PTPN2: variants seen among roughly 807,000 people sequenced by gnomAD.
The protein encoded by PTPN2 is tyrosine-protein phosphatase non-receptor type 2.
PTPN2 carries 19 observed loss-of-function variants against 57.3 expected under a neutral mutation model. The ratio of observed to expected loss-of-function variants is 0.33; its 90% CI spans 0.23 to 0.49. The LOEUF (loss-of-function observed/expected upper bound fraction) is 0.49, where lower values mean the gene tolerates loss of function less well. Ranked by LOEUF, PTPN2 falls within the 20% of genes least tolerant of loss-of-function variation. PTPN2 has a pLI of 0.99. For synonymous variants in PTPN2, 153 were observed against 164.9 expected, an observed-to-expected ratio of 0.93 and a Z score of 0.55; for missense variants, 358 against 501.1, an observed-to-expected ratio of 0.71 and a Z score of 2.73.
chr18:12,832,930 A>G (rs1318132334), intron 3 of PTPN2, among the ~76,000 whole-genome samples: 1 of 152,198 alleles, frequency 6.6e-6, no homozygotes, highest in Non-Finnish European at 1.5e-5. Flanking sequence ...TTGGGATTAC[A>G]GGCGTGCACC....
intron 8 of PTPN2, among the ~76,000 whole-genome samples, chr18:12,795,293 G>A (rs976523853): frequency 6.6e-6 from 1 of 152,026 alleles, no homozygotes; most frequent in South Asian, 2.1e-4. Flanking sequence ...ATTTTTTTGG[G>A]GTGGTGGGGG....
intron 1 of PTPN2, among the ~76,000 whole-genome samples, chr18:12,876,328 G>A (rs181628124): frequency 3.9e-3 from 222 of 57,560 alleles, no homozygotes; most frequent in African/African-American, 0.015. Context: ...TTTGTCAGGC[G>A]TGGTGGTGTG....
intron 5 of PTPN2, among the ~76,000 whole-genome samples, chr18:12,818,724 C>T (rs2042165165): frequency 6.6e-6 from 1 of 151,408 alleles, no homozygotes; most frequent in South Asian, 2.1e-4. Flanking sequence ...AATGGTTTAA[C>T]AACTAAAGAT....
Position 12,807,586 on chromosome 18 carries a change from A to AAATATATAT in PTPN2, c.859-5436_859-5435insATATATATT. Among the ~76,000 whole-genome samples the AAATATATAT allele has an allele frequency of 8.5e-4, 30 of 35,200 alleles. 2 individuals are homozygous for AAATATATAT. Among genetic ancestry groups the AAATATATAT allele is most frequent in the East Asian group, 2.8e-3 (2 of 722 alleles). The allele number at this position is 35,200 out of a possible 152,430, so 23.1% of individuals were successfully genotyped here. On this transcript the variant is annotated intron_variant, in intron 7 of 8. Coordinates refer to ENST00000309660, the MANE Select transcript of PTPN2 (RefSeq NM_002828.4). Reference sequence around the variant, plus strand: ...AAATGTGGAAAAAAAAAAAAAAAAAAATATATATATATATATATAATATAA... The same window carrying AAATATATAT: ...AAATGTGGAAAAAAAAAAAAAAAAAAAATATATATATATATATATATATATATAATATAA...
intron 1 of PTPN2, among the ~76,000 whole-genome samples, chr18:12,867,196 G>A (rs939229253): frequency 5.3e-5 from 8 of 152,068 alleles, no homozygotes; most frequent in Non-Finnish European, 1.0e-4. Context: ...ATGCGTGCCT[G>A]CAGTCCCAGC....
intron 5 of PTPN2, among the ~76,000 whole-genome samples, chr18:12,824,369 T>C (rs971776711): frequency 6.6e-6 from 1 of 152,054 alleles, no homozygotes; most frequent in African/African-American, 2.4e-5. Flanking sequence ...GCTTACTCAA[T>C]GCAGCAAAAA....
At chr18:12,822,625 T>C (rs886674086) in intron 5 of PTPN2, among the ~76,000 whole-genome samples, 3 of 152,194 alleles carry the variant, frequency 2.0e-5, no homozygotes, top group African/African-American at 4.8e-5. Context: ...GACTTGTTAA[T>C]AGATACGTGT....
At chr18:12,814,096 T>C (rs1056785658) in intron 7 of PTPN2, 107 bp downstream of exon 7, 16 of 940,804 alleles carry the variant, frequency 1.7e-5, no homozygotes, top group Non-Finnish European at 1.9e-5. Flanking sequence ...CCACAAAAAT[T>C]CAAATACACT....
chr18:12,817,174 T>C lies in PTPN2; in HGVS notation c.687A>G (p.Val229=), dbSNP rs2042107206. The C allele has an allele frequency of 1.9e-6, 3 of 1,613,948 alleles. No homozygotes were observed. The highest frequency in any genetic ancestry group is 2.5e-6 in the Non-Finnish European group (3 of 1,179,984). The change falls in exon 6 of 9, where the codon GTA becomes GTG. Residue 229 remains valine (V), a synonymous_variant. Coordinates refer to ENST00000309660, the MANE Select transcript of PTPN2 (RefSeq NM_002828.4). ...CACTTACCAAAACAAGACAAGTGTCTACCAGAGAGAAGGTGCCAGAGCGCC... is the reference window on the plus strand; with the variant it reads ...CACTTACCAAAACAAGACAAGTGTCCACCAGAGAGAAGGTGCCAGAGCGCC... The part of the protein sequence containing the change: ...GIGRSGTFSL[V]DTCLVLMEKG...
At chr18:12,786,409 C>T (rs527439323) in intron 9 of PTPN2, 1 of 152,006 alleles carries the variant, frequency 6.6e-6, no homozygotes, top group Admixed American at 6.6e-5. Context: ...TTATATCTAC[C>T]GAAATGAAGT....
rs68088093 is a variant in PTPN2, at chr18:12,807,568, GAAAAAA to G, written c.859-5423_859-5418del. ...TGAATGGAGGGAGAAAGAAAATGTG[GAAAAAA>G]AAAAAAAAAAAAATATATATATATA... is the stretch of plus-strand genomic sequence containing the variant. On this transcript the variant is annotated intron_variant, in intron 7 of 8. Transcript: ENST00000309660. Among the ~76,000 whole-genome samples the G allele has an allele frequency of 2.7e-4, 11 of 41,192 alleles. 1 individual carries two copies. Among genetic ancestry groups the G allele is most frequent in the African/African-American group, 6.9e-4 (10 of 14,466 alleles). 27.0% of individuals were successfully genotyped at this position (41,192 alleles called of 152,430 possible).
chr18:12,819,262 G>A, intron 5 of PTPN2: 1 of 1,460,962 alleles, frequency 6.8e-7, no homozygotes, highest in South Asian at 1.3e-5. Context: ...AATACAGTGT[G>A]ATCCACAAGT....
chr18:12,882,957 GA>G (rs1285647925), intron 1 of PTPN2, among the ~76,000 whole-genome samples: 1 of 152,202 alleles, frequency 6.6e-6, no homozygotes, highest in Non-Finnish European at 1.5e-5. Context: ...AAACGAAGGG[GA>G]AAGCAGTTAC....
Position 12,836,804 on chromosome 18 carries a change from T to TA in PTPN2, c.247dup (p.Tyr83LeufsTer10). 6.2e-7 allele frequency: 1 copy of TA among 1,601,960 alleles called. No individual in the cohort carries two copies. Among genetic ancestry groups the TA allele is most frequent in the Non-Finnish European group, 8.5e-7 (1 of 1,171,368 alleles). Reference sequence around the variant, plus strand: ...CGTATTACTTGCCTGTGTTAAGATGTAACTCCTTTGTGCCTCTTCTATGTC... The same window carrying TA: ...CGTATTACTTGCCTGTGTTAAGATGTAAACTCCTTTGTGCCTCTTCTATGTC... On this transcript the variant is annotated frameshift_variant, in exon 3 of 9. Coordinates refer to ENST00000309660, the MANE Select transcript of PTPN2 (RefSeq NM_002828.4). LOFTEE classifies it high-confidence loss of function.
intron 1 of PTPN2, among the ~76,000 whole-genome samples, chr18:12,873,657 G>T (rs1432511885): frequency 6.6e-6 from 1 of 152,172 alleles, no homozygotes; most frequent in East Asian, 1.9e-4. Flanking sequence ...CCTCCCAGCC[G>T]CCTGCCTTGG....
downstream of PTPN2, among the ~76,000 whole-genome samples, chr18:12,791,846 C>T (rs556105408): frequency 1.3e-5 from 2 of 152,282 alleles, no homozygotes; most frequent in African/African-American, 2.4e-5. Flanking sequence ...GGGTGAGGCA[C>T]GTCCTCTCTG....
At chr18:12,832,977 C>T (rs753847264) in intron 3 of PTPN2, among the ~76,000 whole-genome samples, 3 of 152,178 alleles carry the variant, frequency 2.0e-5, no homozygotes, top group South Asian at 2.1e-4. Context: ...TTAGTAGAGA[C>T]GGGGTTTTAC....
At chr18:12,853,273 C>T (rs2043457464) in intron 2 of PTPN2, among the ~76,000 whole-genome samples, 1 of 152,126 alleles carries the variant, frequency 6.6e-6, no homozygotes. Context: ...CCCCAGCCTC[C>T]CAAATAGCTG....
intron 5 of PTPN2, among the ~76,000 whole-genome samples, chr18:12,822,053 A>T (rs2042287154): frequency 2.0e-5 from 3 of 152,214 alleles, no homozygotes; most frequent in South Asian, 2.1e-4. Flanking sequence ...GATAAAATTT[A>T]AATTACTGAA....
Sources: gnomAD v4.1 joint callset for allele counts (sites outside exome capture counted in the v4.1 genomes callset) on GRCh38, gnomAD v4.1.1 for gene constraint, MANE v1.5 for transcripts, NCBI Gene and HGNC (gene_info 2026-07-23, HGNC 2026-07-21) for gene names.